The following B3GLCT variants were observed in gnomAD, a reference collection of about 807,000 sequenced individuals.
B3GLCT encodes beta-1,3-glucosyltransferase.
In B3GLCT, 65 loss-of-function variants were observed where a neutral mutation model predicts 63.4. The observed-to-expected ratio is 1.03, with a 90% CI of 0.84 to 1.26. The LOEUF is 1.26. Ranked by LOEUF, B3GLCT falls within the 50% of genes most tolerant of loss-of-function variation. The pLI, the probability that B3GLCT is intolerant of heterozygous loss-of-function variation, is 0.00. For missense variants in B3GLCT, 577 were observed against 604.8 expected, an observed-to-expected ratio of 0.95 and a Z score of 0.48; for synonymous variants, 233 against 219.2, an observed-to-expected ratio of 1.06 and a Z score of -0.55.
intron 9 of B3GLCT, among the ~76,000 whole-genome samples, 189 bp downstream of exon 9, chr13:31,274,817 G>T (rs1012183655): frequency 6.6e-6 from 1 of 152,156 alleles, no homozygotes; most frequent in African/African-American, 2.4e-5. Context: ...AGTGAACATG[G>T]TACCCAATAG....
At chr13:31,261,475 T>C (rs1433560065) in intron 7 of B3GLCT, among the ~76,000 whole-genome samples, 1 of 152,138 alleles carries the variant, frequency 6.6e-6, no homozygotes, top group Non-Finnish European at 1.5e-5. Flanking sequence ...GGGTTGAGAG[T>C]TGATGACTCA....
At chr13:31,202,656 A>G (rs1224530218) in intron 1 of B3GLCT, among the ~76,000 whole-genome samples, 2 of 152,188 alleles carry the variant, frequency 1.3e-5, no homozygotes, top group Non-Finnish European at 2.9e-5. Context: ...AGTGCTCTAC[A>G]GAGATATCTT....
Position 31,215,045 on chromosome 13 carries a change from TTCCAGC to T in B3GLCT, c.71-4_72del, listed in dbSNP as rs1566043329. ...GTAGAAATATTTCTTTTTTTTTTTTTTCCAGCTTTTGGTTTGGCTTCTGAAGATACA... is the reference window on the plus strand; with the variant it reads ...GTAGAAATATTTCTTTTTTTTTTTTTTTTTGGTTTGGCTTCTGAAGATACA... On this transcript the variant is annotated splice_acceptor_variant and splice_polypyrimidine_tract_variant and coding_sequence_variant and intron_variant, in exon 2 of 15. Coordinates refer to ENST00000343307, the MANE Select transcript of B3GLCT (RefSeq NM_194318.4). LOFTEE classifies it high-confidence loss of function. 6.2e-7 allele frequency: 1 copy of T among 1,604,638 alleles called. No homozygotes were observed. Among genetic ancestry groups the T allele is most frequent in the Admixed American group, 1.7e-5 (1 of 59,324 alleles).
intron 12 of B3GLCT, among the ~76,000 whole-genome samples, chr13:31,305,262 A>C (rs1320559347): frequency 0.024 from 2,288 of 97,192 alleles, 127 homozygotes; most frequent in African/African-American, 0.08. Flanking sequence ...CATCACAATT[A>C]AAAGAACTAG....
chr13:31,285,879 G>A (rs1873305807), intron 11 of B3GLCT, among the ~76,000 whole-genome samples: 1 of 152,014 alleles, frequency 6.6e-6, no homozygotes, highest in South Asian at 2.1e-4. Flanking sequence ...TACTAGTCTG[G>A]TCTTATTGTC....
Position 31,247,867 on chromosome 13 carries a change from A to T in B3GLCT, c.360A>T (p.Thr120=). ...TTCTTTTGGTCAGTTTTTCTGTAAC[A>T]TATAGCAGAAATTCATCTTGGATTT... is the stretch of plus-strand genomic sequence containing the variant. ...ILPLLPHFSV[T]YSRNSSWIFF... is the part of the protein sequence containing the mutation. Residue 120 remains threonine, a synonymous_variant, in exon 6 of 15, where the codon ACA becomes ACT. Transcript: ENST00000343307. 6.3e-7 allele frequency: 1 copy of T among 1,584,664 alleles called. No homozygotes were observed. The highest frequency in any genetic ancestry group is 8.7e-7 in the Non-Finnish European group (1 of 1,153,678).
intron 4 of B3GLCT, among the ~76,000 whole-genome samples, chr13:31,242,214 G>C (rs774081243): frequency 2.0e-5 from 3 of 152,128 alleles, no homozygotes; most frequent in Non-Finnish European, 4.4e-5. Flanking sequence ...ATGATCCCTC[G>C]TGCAGCAGAG....
chr13:31,260,995 A>G lies in B3GLCT; in HGVS notation c.509A>G (p.His170Arg). 6.2e-7 allele frequency: 1 copy of G among 1,614,062 alleles called. No individual in the cohort carries two copies. Residue 170 changes from histidine to arginine, a missense_variant, in exon 7 of 15, where the codon CAC becomes CGC. His to Arg is a conservative substitution (Grantham distance 29). Transcript: ENST00000343307. ...CATGATGAAGAAGCTACAATAATTCACCATTATGCCTTTTCCGAGAATCCT... is the reference window on the plus strand; with the variant it reads ...CATGATGAAGAAGCTACAATAATTCGCCATTATGCCTTTTCCGAGAATCCT... Reference protein sequence around the residue: ...ALHDEEATIIHHYAFSENPTV... With the variant: ...ALHDEEATIIRHYAFSENPTV...
In B3GLCT at chr13:31,329,538, A is replaced by C; in HGVS notation, c.1367A>C (p.His456Pro). The C allele has an allele frequency of 6.2e-7, 1 of 1,614,160 alleles. No homozygotes were observed. The highest frequency in any genetic ancestry group is 8.5e-7 in the Non-Finnish European group (1 of 1,180,026). The change falls in exon 15 of 15, where the codon CAT becomes CCT. Residue 456 changes from histidine (H) to proline (P), a missense_variant. Transcript: ENST00000343307. Reference protein sequence around the residue: ...PVDYPKDYLSHQVPISFHKHW... With the variant: ...PVDYPKDYLSPQVPISFHKHW... Reference sequence around the variant, plus strand: ...GATTACCCTAAGGACTACCTTTCTCATCAAGTTCCCATATCGTTCCACAAA... The same window carrying C: ...GATTACCCTAAGGACTACCTTTCTCCTCAAGTTCCCATATCGTTCCACAAA...
chr13:31,224,999 A>C (rs566076431), intron 3 of B3GLCT, among the ~76,000 whole-genome samples: 55 of 152,184 alleles, frequency 3.6e-4, no homozygotes, highest in Admixed American at 5.9e-4. Context: ...TTCAGCATCC[A>C]TTTTCTAACT....
chr13:31,293,688 C>T (rs557145185), intron 12 of B3GLCT, among the ~76,000 whole-genome samples: 18 of 152,250 alleles, frequency 1.2e-4, no homozygotes, highest in African/African-American at 4.1e-4. Flanking sequence ...TTATTTTGAG[C>T]CTATGGGTGT....
chr13:31,207,972 A>G (rs1206780328), intron 1 of B3GLCT, among the ~76,000 whole-genome samples: 1 of 152,192 alleles, frequency 6.6e-6, no homozygotes, highest in Non-Finnish European at 1.5e-5. Flanking sequence ...AACTCACTTA[A>G]TTCTTGTTCC....
chr13:31,276,970 T>C (rs1283870038), intron 10 of B3GLCT, among the ~76,000 whole-genome samples, 199 bp downstream of exon 10: 1 of 152,168 alleles, frequency 6.6e-6, no homozygotes, highest in Non-Finnish European at 1.5e-5. Flanking sequence ...AAATTTTGTA[T>C]TGAAACGTGA....
intron 4 of B3GLCT, among the ~76,000 whole-genome samples, chr13:31,235,820 C>T (rs1173556911): frequency 1.3e-5 from 2 of 152,164 alleles, no homozygotes; most frequent in Non-Finnish European, 2.9e-5. Flanking sequence ...AACAACTCCC[C>T]ATTCCTCCCT....
intron 5 of B3GLCT, among the ~76,000 whole-genome samples, chr13:31,247,542 G>T (rs1264388432): frequency 6.6e-6 from 1 of 152,096 alleles, no homozygotes; most frequent in Admixed American, 6.5e-5. Context: ...CAAAGTGCTG[G>T]GATAACAGGC....
At position 31,329,875 on chromosome 13, in the gene B3GLCT, T is replaced by C; in HGVS notation, c.*207T>C. 1 of 598,718 alleles carries C rather than the reference T, an allele frequency of 1.7e-6. No individual in the cohort carries two copies. Among genetic ancestry groups the C allele is most frequent in the East Asian group, 2.9e-5 (1 of 34,492 alleles). 37.1% of individuals were successfully genotyped at this position (598,718 alleles called of 1,614,324 possible). On this transcript the variant is annotated 3_prime_UTR_variant, in exon 15 of 15. Transcript: ENST00000343307. ...CATTTTTTTTTCTGGGAAAAATCAC[T>C]TGCTTTTGACTTATGCAGTTGTTTT...
Position 31,247,062 on chromosome 13 carries a change from CAAG to C in B3GLCT, c.314_316del (p.Glu105del). ...CCTCCTCCTTCATCAGCTGGCTAAA[CAAG>C]AAGGTGCATGGACCATACTTCCGTT... On this transcript the variant is annotated inframe_deletion, in exon 5 of 15. Coordinates refer to ENST00000343307, the MANE Select transcript of B3GLCT (RefSeq NM_194318.4). 2 of 1,612,074 alleles carry C rather than the reference CAAG, an allele frequency of 1.2e-6. No individual in the cohort carries two copies. Among genetic ancestry groups the C allele is most frequent in the Non-Finnish European group, 1.7e-6 (2 of 1,179,432 alleles).
At chr13:31,283,113 G>A (rs138628250) in intron 10 of B3GLCT, 1 of 152,276 alleles carries the variant, frequency 6.6e-6, no homozygotes, top group African/African-American at 2.4e-5. Context: ...ACCTATTAGA[G>A]CGAAAAAGGA....
At chr13:31,229,733 G>A (rs1441067491) in intron 4 of B3GLCT, among the ~76,000 whole-genome samples, 2 of 150,844 alleles carry the variant, frequency 1.3e-5, no homozygotes, top group African/African-American at 4.9e-5. Flanking sequence ...GTGACAGAGT[G>A]GGACTCCTCT....
Sources: allele counts gnomAD v4.1 joint callset (sites outside exome capture counted in the v4.1 genomes callset), GRCh38; gene constraint gnomAD v4.1.1; transcripts MANE v1.5; gene names NCBI Gene and HGNC (gene_info 2026-07-23, HGNC 2026-07-21).